Variants in ANTXR1 observed in about 807,000 individuals in gnomAD.
The protein encoded by ANTXR1 is ANTXR cell adhesion molecule 1, also known as anthrax toxin receptor 1.
ANTXR1 carries 19 observed loss-of-function variants against 78.1 expected under a neutral mutation model. The observed-to-expected ratio is 0.24, with a 90% CI of 0.17 to 0.36. The LOEUF is 0.36. Ranked by LOEUF, ANTXR1 falls within the 10% of genes least tolerant of loss-of-function variation. The probability of loss-of-function intolerance (pLI) is 1.00; values close to 1 mark genes in which losing one functional copy is unlikely to be tolerated. For synonymous variants in ANTXR1, 273 were observed against 260.5 expected, an observed-to-expected ratio of 1.05 and a Z score of -0.46; for missense variants, 518 against 718.6, an observed-to-expected ratio of 0.72 and a Z score of 3.19.
chr2:69,112,221 C>A (rs1672012298), intron 10 of ANTXR1, among the ~76,000 whole-genome samples: 1 of 152,162 alleles, frequency 6.6e-6, no homozygotes, highest in Non-Finnish European at 1.5e-5. Context: ...CAAGCACCCT[C>A]CTGTATTATC....
At chr2:69,208,875 G>A (rs1573978310) in intron 17 of ANTXR1, among the ~76,000 whole-genome samples, 1 of 152,196 alleles carries the variant, frequency 6.6e-6, no homozygotes, top group East Asian at 1.9e-4. Flanking sequence ...CAGAAGTCCT[G>A]CATGCTCTAA....
At chr2:69,136,411 A>G (rs1166724777) in intron 12 of ANTXR1, among the ~76,000 whole-genome samples, 3 of 152,214 alleles carry the variant, frequency 2.0e-5, no homozygotes, top group African/African-American at 7.2e-5. Flanking sequence ...CAAATTTATA[A>G]AAATGACATA....
intron 10 of ANTXR1, among the ~76,000 whole-genome samples, chr2:69,118,816 A>G (rs528631035): frequency 6.6e-4 from 100 of 152,302 alleles, no homozygotes; most frequent in African/African-American, 1.9e-3. Flanking sequence ...GACCTGAGTT[A>G]TGGAAACCAA....
intron 3 of ANTXR1, among the ~76,000 whole-genome samples, chr2:69,060,292 A>C (rs954169685): frequency 2.6e-5 from 4 of 152,204 alleles, no homozygotes. Context: ...TACTTTGAGA[A>C]AGCTAAAGTT....
At chr2:69,044,007 C>A (rs1669684170) in intron 2 of ANTXR1, among the ~76,000 whole-genome samples, 2 of 152,186 alleles carry the variant, frequency 1.3e-5, no homozygotes, top group African/African-American at 4.8e-5. Context: ...ATTGCTGAAT[C>A]CACTGCAGTC....
intron 8 of ANTXR1, among the ~76,000 whole-genome samples, chr2:69,085,096 A>C (rs1273702759): frequency 6.6e-6 from 1 of 152,082 alleles, no homozygotes; most frequent in Non-Finnish European, 1.5e-5. Context: ...TTCAAAATTC[A>C]TGGGGACAAC....
intron 10 of ANTXR1, among the ~76,000 whole-genome samples, chr2:69,112,471 G>A (rs1672020761): frequency 6.6e-6 from 1 of 152,210 alleles, no homozygotes; most frequent in Non-Finnish European, 1.5e-5. Flanking sequence ...ATGTGTGCCT[G>A]ATTCAGAGAT....
chr2:69,057,409 G>A (rs1670101239), intron 3 of ANTXR1, among the ~76,000 whole-genome samples: 1 of 152,104 alleles, frequency 6.6e-6, no homozygotes, highest in East Asian at 1.9e-4. Context: ...TTATATGTCT[G>A]TATGTCACAT....
intron 1 of ANTXR1, among the ~76,000 whole-genome samples, chr2:69,018,734 C>T (rs1244399804): frequency 6.6e-6 from 1 of 152,078 alleles, no homozygotes; most frequent in Non-Finnish European, 1.5e-5. Flanking sequence ...AGTGTCTGCC[C>T]TTGACTCCCA....
At chr2:69,210,242 C>T (rs941482606) in intron 17 of ANTXR1, among the ~76,000 whole-genome samples, 13 of 152,286 alleles carry the variant, frequency 8.5e-5, no homozygotes, top group Non-Finnish European at 1.8e-4. Context: ...CTGTTCACCC[C>T]GTAATAATGC....
intron 14 of ANTXR1, chr2:69,172,613 A>G: frequency 9.2e-7 from 1 of 1,087,796 alleles, no homozygotes; most frequent in East Asian, 3.4e-5. Flanking sequence ...AACTTTCATC[A>G]GCTCTATCAA....
intron 6 of ANTXR1, 69 bp from the exon 7 acceptor site, chr2:69,075,521 C>T: frequency 6.9e-7 from 1 of 1,441,172 alleles, no homozygotes; most frequent in South Asian, 1.1e-5. Flanking sequence ...TGAAGTTAGT[C>T]AGGTAGCTCC....
chr2:69,049,523 T>G (rs951493954), intron 3 of ANTXR1, among the ~76,000 whole-genome samples: 68 of 152,250 alleles, frequency 4.5e-4, no homozygotes, highest in African/African-American at 1.6e-3. Context: ...TTGGTCAGGC[T>G]GGTCTCTAAC....
At chr2:69,021,938 C>G (rs906258324) in intron 1 of ANTXR1, among the ~76,000 whole-genome samples, 18 of 152,216 alleles carry the variant, frequency 1.2e-4, no homozygotes, top group Admixed American at 1.1e-3. Flanking sequence ...AGCTCCTTCT[C>G]TTTTCCTCCC....
At position 69,013,774 on chromosome 2, in the gene ANTXR1, CCG is replaced by C; in HGVS notation, c.152+128_152+129del. On this transcript the variant is annotated intron_variant, in intron 1 of 17. Transcript: ENST00000303714. This position sits in a 1 kb window ranked among gnomAD's most constrained non-coding sequence, Gnocchi z 5.0. ...GCGCATCTCCAGGGCCACAGAGGGA[CCG>C]CGCGGCAGGCGGCGGCGGAGTGCTG... 6.7e-7 allele frequency: 1 copy of C among 1,491,058 alleles called. No individual in the cohort carries two copies. Among genetic ancestry groups the C allele is most frequent in the Non-Finnish European group, 9.1e-7 (1 of 1,095,944 alleles). The allele number at this position is 1,491,058 out of a possible 1,614,324, so 92.4% of individuals were successfully genotyped here.
In ANTXR1 at chr2:69,182,630, T is replaced by C; in HGVS notation, c.1323T>C (p.Ser441=). The change falls in exon 16 of 18, where the codon TCT becomes TCC. Residue 441 remains serine, a synonymous_variant. Transcript: ENST00000303714. ...TCAACAACAATATGCGTCGGCCTTC[T>C]TCCCCCCGGAAGTGGTACTCTCCAA... ...RNLNNNMRRP[S]SPRKWYSPIK... 1.2e-6 allele frequency: 2 copies of C among 1,614,164 alleles called. No homozygotes were observed. The highest frequency in any genetic ancestry group is 1.7e-6 in the Non-Finnish European group (2 of 1,180,022).
chr2:69,181,707 C>T (rs1473653679), intron 14 of ANTXR1, 79 bp from the exon 15 acceptor site: 8 of 1,352,264 alleles, frequency 5.9e-6, no homozygotes, highest in Non-Finnish European at 6.4e-6. Flanking sequence ...AAGCTCTACT[C>T]CTAATCACTT....
At chr2:69,042,170 T>G (rs1176492597) in intron 2 of ANTXR1, among the ~76,000 whole-genome samples, 2 of 152,178 alleles carry the variant, frequency 1.3e-5, no homozygotes, top group Non-Finnish European at 2.9e-5. Context: ...CTAATCTCAG[T>G]GGGATTTTTG....
At chr2:69,029,819 AAAAG>A (rs1383853714) in intron 1 of ANTXR1, among the ~76,000 whole-genome samples, 1 of 152,180 alleles carries the variant, frequency 6.6e-6, no homozygotes, top group Non-Finnish European at 1.5e-5. Flanking sequence ...GACATGGCAT[AAAAG>A]AAACAGAAGG....
Sources: allele counts gnomAD v4.1 joint callset (sites outside exome capture counted in the v4.1 genomes callset), GRCh38; gene constraint gnomAD v4.1.1; non-coding constraint Gnocchi (gnomAD v3.1); transcripts MANE v1.5; gene names NCBI Gene and HGNC (gene_info 2026-07-23, HGNC 2026-07-21).